PRMT7: variants seen among roughly 807,000 people sequenced by gnomAD.
The protein encoded by PRMT7 is protein arginine N-methyltransferase 7.
Under a neutral mutation model 85.4 loss-of-function variants are expected in PRMT7, and 75 were observed. The ratio of observed to expected loss-of-function variants is 0.88; its 90% CI spans 0.73 to 1.06. PRMT7 has a LOEUF of 1.06. Among genes scored for constraint, PRMT7 ranks in the 50% least tolerant of loss-of-function variants. The pLI is 0.00. For missense variants in PRMT7, 868 were observed against 915.2 expected (o/e 0.95, Z 0.67); for synonymous variants, 397 against 359.5 (o/e 1.10, Z -1.18).
intron 15 of PRMT7, 66 bp from the exon 16 acceptor site, chr16:68,353,426 T>G (rs1471533605): frequency 1.9e-6 from 3 of 1,604,110 alleles, no homozygotes; most frequent in Middle Eastern, 1.7e-4. Flanking sequence ...GTGCCTCTTG[T>G]TCTTGCTGCC....
At chr16:68,325,139 C>T (rs1046016073) in intron 5 of PRMT7, among the ~76,000 whole-genome samples, 5 of 151,626 alleles carry the variant, frequency 3.3e-5, no homozygotes, top group Admixed American at 6.6e-5. Flanking sequence ...AAGACAATTG[C>T]TTGAGCCCAG....
chr16:68,342,265 G>A (rs1334075199), intron 9 of PRMT7, among the ~76,000 whole-genome samples: 1 of 152,118 alleles, frequency 6.6e-6, no homozygotes, highest in African/African-American at 2.4e-5. Context: ...GTGGCAGAGC[G>A]AGACTCTGTC....
chr16:68,327,157 G>A (rs1197631809), intron 5 of PRMT7, among the ~76,000 whole-genome samples: 2 of 152,170 alleles, frequency 1.3e-5, no homozygotes, highest in Admixed American at 6.5e-5. Context: ...TACAGCATTT[G>A]TCCCTTGATT....
intron 4 of PRMT7, chr16:68,323,795 A>G (rs2082778470): frequency 6.6e-6 from 1 of 152,166 alleles, no homozygotes; most frequent in African/African-American, 2.4e-5. Context: ...GCAGGTCATC[A>G]GTCTATTTAA....
intron 12 of PRMT7, 149 bp downstream of exon 12, chr16:68,347,443 T>C (rs985343879): frequency 5.7e-6 from 6 of 1,045,988 alleles, no homozygotes; most frequent in Non-Finnish European, 8.3e-6. Flanking sequence ...GGGGGGTTTA[T>C]TGCCTGTGCG....
At chr16:68,325,452 C>A (rs2082993846) in intron 5 of PRMT7, among the ~76,000 whole-genome samples, 1 of 151,988 alleles carries the variant, frequency 6.6e-6, no homozygotes, top group Admixed American at 6.6e-5. Context: ...CCCCACACCA[C>A]CACACTCCAG....
chr16:68,331,758 GC>G (rs2083941101), intron 6 of PRMT7, among the ~76,000 whole-genome samples: 1 of 152,178 alleles, frequency 6.6e-6, no homozygotes, highest in African/African-American at 2.4e-5. Context: ...ACAGGCGTGG[GC>G]CGCTGTGCCT....
chr16:68,318,420 T>C (rs1002857483), intron 3 of PRMT7, among the ~76,000 whole-genome samples: 2 of 152,138 alleles, frequency 1.3e-5, no homozygotes, highest in Non-Finnish European at 2.9e-5. Context: ...AGGATGATCT[T>C]GATCTCCTGA....
chr16:68,313,893 C>G (rs1465778442), intron 2 of PRMT7, among the ~76,000 whole-genome samples: 2 of 152,064 alleles, frequency 1.3e-5, no homozygotes, highest in Non-Finnish European at 2.9e-5. Flanking sequence ...AATGATCATG[C>G]CTGTGAATAG....
chr16:68,323,127 A>C (rs115604426), intron 4 of PRMT7, among the ~76,000 whole-genome samples: 2 of 152,124 alleles, frequency 1.3e-5, no homozygotes, highest in African/African-American at 4.8e-5. Context: ...AAATAGTTCT[A>C]TATTTCTGTG....
At chr16:68,335,300 T>G (rs1158944174) in intron 6 of PRMT7, among the ~76,000 whole-genome samples, 1 of 152,190 alleles carries the variant, frequency 6.6e-6, no homozygotes, top group Non-Finnish European at 1.5e-5. Context: ...GGACAGGCAG[T>G]CAGCGGTCCT....
At chr16:68,352,454 G>A (rs1244136069) in intron 15 of PRMT7, 45 bp downstream of exon 15, 2 of 1,553,610 alleles carry the variant, frequency 1.3e-6, no homozygotes, top group South Asian at 2.3e-5. Context: ...GAGGAGGCGG[G>A]TGGGGAACCT....
At chr16:68,315,523 A>G (rs2044616717) in intron 2 of PRMT7, 1 of 192,162 alleles carries the variant, frequency 5.2e-6, no homozygotes, top group South Asian at 9.1e-5. Context: ...CGAAGGCAGT[A>G]TTGGTGGCAC....
At chr16:68,348,223 G>A (rs536530244) in intron 13 of PRMT7, 119 bp from the exon 14 acceptor site, 12 of 841,850 alleles carry the variant, frequency 1.4e-5, no homozygotes, top group Middle Eastern at 2.4e-4. Context: ...TAAAAGTGGT[G>A]TTCCAGAACC....
Position 68,348,359 on chromosome 16 carries a change from C to T in PRMT7, c.1341C>T (p.His447=). The change falls in exon 14 of 19, where the codon CAC becomes CAT. Residue 447 remains histidine, a synonymous_variant. Coordinates refer to ENST00000441236, the MANE Select transcript of PRMT7 (RefSeq NM_019023.5). ...TTTCTAAGATCTTCAAGGCTAACCA[C>T]TTGGAAGATAAAATTAACATCATAG... ...KLLRKIFKAN[H]LEDKINIIEK... The T allele has an allele frequency of 6.2e-7, 1 of 1,607,164 alleles. No individual in the cohort carries two copies. Among genetic ancestry groups the T allele is most frequent in the South Asian group, 1.1e-5 (1 of 90,878 alleles).
At chr16:68,339,124 C>G (rs769032890) in intron 7 of PRMT7, among the ~76,000 whole-genome samples, 198 bp from the exon 8 acceptor site, 2 of 152,150 alleles carry the variant, frequency 1.3e-5, no homozygotes, top group Non-Finnish European at 2.9e-5. Context: ...AGTGTGTGTT[C>G]TTTTTGAAAT....
intron 6 of PRMT7, among the ~76,000 whole-genome samples, chr16:68,335,396 G>T (rs907568636): frequency 6.6e-6 from 1 of 152,112 alleles, no homozygotes; most frequent in Non-Finnish European, 1.5e-5. Flanking sequence ...GGAGGGAGGA[G>T]CAGGCGTGTT....
intron 6 of PRMT7, among the ~76,000 whole-genome samples, chr16:68,336,521 C>CT (rs2084716696): frequency 6.6e-6 from 1 of 152,222 alleles, no homozygotes; most frequent in Non-Finnish European, 1.5e-5. Context: ...CTTGCTTTGG[C>CT]TTTCCCTCCC....
At position 68,348,326 on chromosome 16, in the gene PRMT7, C is replaced by T. The variant is rs367780568; in HGVS notation, c.1324-16C>T. 251 of 1,554,156 alleles carry T rather than the reference C, an allele frequency of 1.6e-4. 2 individuals carry two copies. The Middle Eastern group carries it at 5.5e-3, about 34-fold the overall frequency. ...CTTTAGTATGAATACAGTAATTTTA[C>T]GGTTTTCTTTCTAAGATCTTCAAGG... On this transcript the variant is annotated splice_polypyrimidine_tract_variant and intron_variant, in intron 13 of 18. Coordinates refer to ENST00000441236, the MANE Select transcript of PRMT7 (RefSeq NM_019023.5).
Sources: gnomAD v4.1 joint callset for allele counts (sites outside exome capture counted in the v4.1 genomes callset) on GRCh38, gnomAD v4.1.1 for gene constraint, MANE v1.5 for transcripts, NCBI Gene and HGNC (gene_info 2026-07-23, HGNC 2026-07-21) for gene names.